Variants in TCP11L2 observed in about 807,000 individuals in gnomAD.
TCP11L2 encodes the protein T-complex protein 11-like protein 2.
TCP11L2 carries 39 observed loss-of-function variants against 50.7 expected under a neutral mutation model. The ratio of observed to expected loss-of-function variants is 0.77; its 90% CI spans 0.60 to 1.01. The LOEUF (loss-of-function observed/expected upper bound fraction) is 1.01, where lower values mean the gene tolerates loss of function less well. Among genes scored for constraint, TCP11L2 ranks in the 50% least tolerant of loss-of-function variants. The probability of loss-of-function intolerance (pLI) is 0.00; values close to 1 mark genes in which losing one functional copy is unlikely to be tolerated. For synonymous variants in TCP11L2, 192 were observed against 219.3 expected, an observed-to-expected ratio of 0.88 and a Z score of 1.10; for missense variants, 612 against 614.7, an observed-to-expected ratio of 1.00 and a Z score of 0.05.
At chr12:106,329,484 G>C (rs1266218885) in intron 6 of TCP11L2, 3 of 1,512,426 alleles carry the variant, frequency 2.0e-6, no homozygotes, top group Non-Finnish European at 8.8e-7. Context: ...CTGCTTTACC[G>C]GTCATTCTCA....
At chr12:106,328,522 C>A (rs752055963) in intron 6 of TCP11L2, among the ~76,000 whole-genome samples, 2 of 152,078 alleles carry the variant, frequency 1.3e-5, no homozygotes, top group African/African-American at 4.8e-5. Flanking sequence ...CCAGCCTGGG[C>A]GACAGAGCAA....
Position 106,311,098 on chromosome 12 carries a change from A to G in TCP11L2, c.23A>G (p.Gln8Arg). 1.1e-5 allele frequency: 18 copies of G among 1,614,170 alleles called. No homozygotes were observed. The highest frequency in any genetic ancestry group is 1.5e-5 in the Non-Finnish European group (18 of 1,180,016). ...AAAATGCCCTTCAATGGCGAGAAGC[A>G]GTGTGTGGGAGAGGACCAGCCAAGC... MPFNGEK[Q>R]CVGEDQPSDS... Residue 8 changes from glutamine to arginine, a missense_variant, in exon 2 of 10, where the codon CAG becomes CGG. By Grantham distance (43) the Gln-to-Arg change is conservative (BLOSUM62 1). Transcript: ENST00000299045.
intron 6 of TCP11L2, among the ~76,000 whole-genome samples, chr12:106,327,473 C>T (rs1032025622): frequency 3.9e-5 from 6 of 152,174 alleles, no homozygotes; most frequent in Admixed American, 1.3e-4. Context: ...AGCCACTGCA[C>T]CTGGCTTGCT....
At chr12:106,345,791 G>A (rs977673129) in intron 9 of TCP11L2, among the ~76,000 whole-genome samples, 4 of 152,164 alleles carry the variant, frequency 2.6e-5, no homozygotes, top group Admixed American at 2.6e-4. Context: ...ACTCACTAAT[G>A]TATTTGTGGT....
chr12:106,322,066 A>G (rs1014974311), intron 5 of TCP11L2, among the ~76,000 whole-genome samples: 1 of 152,192 alleles, frequency 6.6e-6, no homozygotes. Context: ...CCGACAAGGG[A>G]CCTAATTTAG....
chr12:106,311,267 A>AG (rs1436693381), intron 2 of TCP11L2, 35 bp downstream of exon 2: 1 of 1,606,604 alleles, frequency 6.2e-7, no homozygotes, highest in East Asian at 2.2e-5. Context: ...TGTGGGTGGC[A>AG]GGGGTACTTC....
chr12:106,310,940 C>T (rs2034828668), intron 1 of TCP11L2, 101 bp from the exon 2 acceptor site: 2 of 1,097,968 alleles, frequency 1.8e-6, no homozygotes, highest in African/African-American at 3.1e-5. Flanking sequence ...CTTTCCAACA[C>T]AGTGACACTT....
In TCP11L2 at chr12:106,311,250, C is replaced by T. The variant is rs372571600; in HGVS notation, c.157+18C>T. ...TCCTGCTTGTGAGCCGATGGGGGAG[C>T]AGGGGTTGTGGGTGGCAGGGGTACT... On this transcript the variant is annotated intron_variant, in intron 2 of 9. Coordinates refer to ENST00000299045, the MANE Select transcript of TCP11L2 (RefSeq NM_152772.3). 4 of 1,611,386 alleles carry T rather than the reference C, an allele frequency of 2.5e-6. No individual in the cohort carries two copies. Among genetic ancestry groups the T allele is most frequent in the Non-Finnish European group, 3.4e-6 (4 of 1,178,186 alleles).
chr12:106,313,473 G>A (rs1287776228), intron 2 of TCP11L2, among the ~76,000 whole-genome samples: 2 of 151,822 alleles, frequency 1.3e-5, no homozygotes, highest in African/African-American at 4.8e-5. Flanking sequence ...CCAGCTACTC[G>A]AGAGGCTGAG....
upstream of TCP11L2, among the ~76,000 whole-genome samples, chr12:106,298,531 AT>A (rs965482554): frequency 4.6e-5 from 7 of 151,992 alleles, no homozygotes; most frequent in East Asian, 1.4e-3. Context: ...TTAGTTTAAA[AT>A]TTTTTTTGAG....
At chr12:106,334,669 G>T (rs758600499) in intron 6 of TCP11L2, among the ~76,000 whole-genome samples, 2 of 152,140 alleles carry the variant, frequency 1.3e-5, no homozygotes, top group East Asian at 1.9e-4. Flanking sequence ...TCAGCCGGGC[G>T]CAGTGGCTCA....
In TCP11L2 at chr12:106,321,512, T is replaced by A; in HGVS notation, c.441T>A (p.Gly147=). 1 of 1,614,146 alleles carries A rather than the reference T, an allele frequency of 6.2e-7. No individual in the cohort carries two copies. Among genetic ancestry groups the A allele is most frequent in the Non-Finnish European group, 8.5e-7 (1 of 1,179,986 alleles). The change falls in exon 5 of 10, where the codon GGT becomes GGA. Residue 147 remains glycine (G), a synonymous_variant. Coordinates refer to ENST00000299045, the MANE Select transcript of TCP11L2 (RefSeq NM_152772.3). The stretch of plus-strand genomic sequence containing the variant: ...TTCTTCTCTCTTTTCTCACTCCCGG[T>A]GGCAACCGGCTTCGCAACCAAATCT... ...REILLSFLTP[G]GNRLRNQICE...
rs904276062 is a variant in TCP11L2, at chr12:106,321,577, A to G, written c.506A>G (p.Glu169Gly). The change falls in exon 5 of 10, where the codon GAG becomes GGG. Residue 169 changes from glutamate to glycine, a missense_variant. Transcript: ENST00000299045. ...ACAGACCTCATTAGGCAGCAGGCTG[A>G]GCACAGTGCTGTTGACATCCAAGGC... is the stretch of plus-strand genomic sequence containing the variant. The part of the protein sequence containing the change: ...LDTDLIRQQA[E>G]HSAVDIQGLA... 2 of 1,614,250 alleles carry G rather than the reference A, an allele frequency of 1.2e-6. No homozygotes were observed. The highest frequency in any genetic ancestry group is 1.7e-6 in the Non-Finnish European group (2 of 1,180,044).
intron 2 of TCP11L2, among the ~76,000 whole-genome samples, chr12:106,313,578 C>CAAA (rs1555201334): frequency 3.1e-5 from 2 of 65,366 alleles, no homozygotes; most frequent in African/African-American, 1.4e-4. Context: ...GACTCCATCT[C>CAAA]AAAAAAATAA....
At chr12:106,317,634 C>T (rs550173766) in intron 3 of TCP11L2, among the ~76,000 whole-genome samples, 1 of 152,338 alleles carries the variant, frequency 6.6e-6, no homozygotes, top group South Asian at 2.1e-4. Flanking sequence ...ACCTGGAGGA[C>T]TTATGGCCTC....
At position 106,321,489 on chromosome 12, in the gene TCP11L2, C is replaced by A; in HGVS notation, c.418C>A (p.Leu140Ile). 1.2e-6 allele frequency: 2 copies of A among 1,612,178 alleles called. No individual in the cohort carries two copies. Among genetic ancestry groups the A allele is most frequent in the Non-Finnish European group, 1.7e-6 (2 of 1,178,864 alleles). Residue 140 changes from leucine to isoleucine, a missense_variant, in exon 5 of 10, where the codon CTT (leucine) becomes ATT (isoleucine). By Grantham distance (5) the Leu-to-Ile change is conservative (BLOSUM62 2). Coordinates refer to ENST00000299045, the MANE Select transcript of TCP11L2 (RefSeq NM_152772.3). ...IKLFEEIREILLSFLTPGGNR... is the reference protein window; with the variant it reads ...IKLFEEIREIILSFLTPGGNR... The stretch of plus-strand genomic sequence containing the variant: ...ATTTTTATTTCTTTCCCTGTAGATT[C>A]TTCTCTCTTTTCTCACTCCCGGTGG...
At chr12:106,337,852 ATCC>A (rs2035969896) in intron 8 of TCP11L2, among the ~76,000 whole-genome samples, 1 of 152,208 alleles carries the variant, frequency 6.6e-6, no homozygotes, top group Non-Finnish European at 1.5e-5. Context: ...TCATTAAATC[ATCC>A]TCTTTATAAT....
intron 1 of TCP11L2, among the ~76,000 whole-genome samples, chr12:106,305,373 C>G (rs41497147): frequency 0.037 from 5,684 of 152,198 alleles, 379 homozygotes; most frequent in African/African-American, 0.13. Context: ...GTTTCTTTAA[C>G]CTCCTGGAAC....
At chr12:106,345,226 G>A (rs532898292) in intron 9 of TCP11L2, among the ~76,000 whole-genome samples, 1 of 152,062 alleles carries the variant, frequency 6.6e-6, no homozygotes, top group Non-Finnish European at 1.5e-5. Flanking sequence ...CGAACTCCTA[G>A]GCTCAATCAG....
Sources: allele counts gnomAD v4.1 joint callset (sites outside exome capture counted in the v4.1 genomes callset), GRCh38; gene constraint gnomAD v4.1.1; transcripts MANE v1.5; gene names NCBI Gene and HGNC (gene_info 2026-07-23, HGNC 2026-07-21).